UBXN2B: variants seen among roughly 807,000 people sequenced by gnomAD.
The protein encoded by UBXN2B is UBX domain protein 2B.
UBXN2B carries 19 observed loss-of-function variants against 37.5 expected under a neutral mutation model. The observed-to-expected ratio is 0.51, with a 90% CI of 0.35 to 0.74. The LOEUF is 0.74. Among genes scored for constraint, UBXN2B ranks in the 30% least tolerant of loss-of-function variants. The pLI is 0.01. For synonymous variants in UBXN2B, 145 were observed against 143.8 expected (o/e 1.01, Z -0.06); for missense variants, 370 against 393.2 (o/e 0.94, Z 0.50).
intron 2 of UBXN2B, among the ~76,000 whole-genome samples, chr8:58,427,635 A>G (rs1014999002): frequency 6.6e-6 from 1 of 152,214 alleles, no homozygotes; most frequent in Non-Finnish European, 1.5e-5. Context: ...AATTTGGGAT[A>G]CAGGAAAAAG....
chr8:58,429,698 C>G lies in UBXN2B; in HGVS notation c.189-821C>G, dbSNP rs545808835. On this transcript the variant is annotated intron_variant, in intron 2 of 7. Coordinates refer to ENST00000399598, the MANE Select transcript of UBXN2B (RefSeq NM_001077619.2). ...GTCTCCAAGGCAGATATCATTTCCC[C>G]CCATTGTTTTGTTCTATGTGTCAGT... Among the ~76,000 whole-genome samples, 4 of 152,306 alleles carry G rather than the reference C, an allele frequency of 2.6e-5. No individual in the cohort carries two copies. The East Asian group carries it at 5.8e-4, about 22-fold the overall frequency.
intron 6 of UBXN2B, among the ~76,000 whole-genome samples, chr8:58,444,756 A>G (rs1229756469): frequency 6.6e-6 from 1 of 152,220 alleles, no homozygotes; most frequent in South Asian, 2.1e-4. Flanking sequence ...ATTGTAAGTC[A>G]TAATTTTAAC....
intron 2 of UBXN2B, chr8:58,426,722 C>G (rs537369518): frequency 1.5e-6 from 1 of 665,256 alleles, no homozygotes; most frequent in East Asian, 2.9e-5. Flanking sequence ...CAGACCCGTT[C>G]CTTGCTCAGG....
At chr8:58,425,221 C>T (rs933528468) in intron 2 of UBXN2B, 47 of 1,059,926 alleles carry the variant, frequency 4.4e-5, no homozygotes, top group Non-Finnish European at 5.0e-5. Flanking sequence ...ATTCCTAACA[C>T]GCATGATGCC....
chr8:58,426,618 C>G (rs757921500), intron 2 of UBXN2B: 45 of 747,272 alleles, frequency 6.0e-5, no homozygotes, highest in Non-Finnish European at 1.0e-4. Context: ...GTCAGCTCCT[C>G]TTATCAACAG....
chr8:58,447,347 T>A, intron 7 of UBXN2B, 42 bp from the exon 8 acceptor site: 1 of 1,490,778 alleles, frequency 6.7e-7, no homozygotes, highest in Non-Finnish European at 9.0e-7. Flanking sequence ...CATGAAAATA[T>A]GATTTTTTAT....
intron 5 of UBXN2B, chr8:58,435,164 A>C: frequency 7.5e-7 from 1 of 1,333,236 alleles, no homozygotes; most frequent in Non-Finnish European, 9.6e-7. Flanking sequence ...AGTTGAGCAT[A>C]AACTGGGGAA....
chr8:58,428,092 A>G (rs984827211), intron 2 of UBXN2B, among the ~76,000 whole-genome samples: 3 of 152,238 alleles, frequency 2.0e-5, no homozygotes, highest in African/African-American at 7.2e-5. Flanking sequence ...GTGTTTGGCA[A>G]TGAGAAGATA....
chr8:58,444,168 G>T (rs562251427), intron 6 of UBXN2B, among the ~76,000 whole-genome samples: 3 of 152,296 alleles, frequency 2.0e-5, no homozygotes, highest in Non-Finnish European at 4.4e-5. Flanking sequence ...AGGCAACTTG[G>T]TGTGTAGAAA....
rs532081016 is a variant in UBXN2B, at chr8:58,411,604, C to T, written c.84+135C>T. 3,465 of 654,620 alleles carry T rather than the reference C, an allele frequency of 5.3e-3. 13 individuals carry two copies. Among genetic ancestry groups the T allele is most frequent in the Non-Finnish European group, 6.4e-3 (2,926 of 460,760 alleles). 40.6% of individuals were successfully genotyped at this position (654,620 alleles called of 1,614,324 possible). A position where few individuals can be genotyped will look rare whatever the true frequency, so the allele number is the denominator to read the frequency against. ...CCCCGTCTGGGGATAGAATCCGGCG[C>T]CCGGTCTCCCGATGTCGGGTCTTGA... On this transcript the variant is annotated intron_variant, in intron 1 of 7. Coordinates refer to ENST00000399598, the MANE Select transcript of UBXN2B (RefSeq NM_001077619.2).
At chr8:58,446,211 A>T (rs1018299611) in intron 7 of UBXN2B, 143 bp downstream of exon 7, 25 of 859,930 alleles carry the variant, frequency 2.9e-5, no homozygotes, top group Middle Eastern at 6.9e-4. Flanking sequence ...CAGAAGAAAC[A>T]TTTTTAAAAG....
chr8:58,445,503 A>G (rs1808646799), intron 6 of UBXN2B, among the ~76,000 whole-genome samples: 1 of 152,188 alleles, frequency 6.6e-6, no homozygotes, highest in Non-Finnish European at 1.5e-5. Context: ...ACATAGTATT[A>G]TTCCCTCACT....
At chr8:58,426,686 G>A (rs1437585580) in intron 2 of UBXN2B, 3 of 722,570 alleles carry the variant, frequency 4.2e-6, no homozygotes, top group African/African-American at 3.5e-5. Context: ...ACAATGTCAT[G>A]TTCCTCCCAC....
intron 2 of UBXN2B, chr8:58,425,237 C>T: frequency 9.2e-7 from 1 of 1,090,526 alleles, no homozygotes; most frequent in Non-Finnish European, 1.4e-6. Context: ...ATGCCATATT[C>T]TTTTAGAGCA....
Position 58,434,476 on chromosome 8 carries a change from G to T in UBXN2B, c.505G>T (p.Ala169Ser). The T allele has an allele frequency of 1.3e-6, 2 of 1,560,604 alleles. No individual in the cohort carries two copies. The highest frequency in any genetic ancestry group is 8.7e-7 in the Non-Finnish European group (1 of 1,155,324). The change falls in exon 5 of 8, where the codon GCT becomes TCT. Residue 169 changes from alanine to serine, a missense_variant. This residue lies in a region of UBXN2B where 90 missense variants were observed against 139.4 expected (regional missense o/e 0.65). Transcript: ENST00000399598. ...ELRPYNEPTN[A>S]QFLESVKRGE... is the part of the protein sequence containing the mutation. Reference sequence around the variant, plus strand: ...GAGACCTTACAATGAACCAACAAATGCTCAATTTCTGGAGTCTGTTAAGAG... The same window carrying T: ...GAGACCTTACAATGAACCAACAAATTCTCAATTTCTGGAGTCTGTTAAGAG...
At chr8:58,435,208 A>G (rs947816686) in intron 5 of UBXN2B, 2 of 1,151,992 alleles carry the variant, frequency 1.7e-6, no homozygotes, top group Non-Finnish European at 2.2e-6. Context: ...GTTTTACTGT[A>G]TATAACCAGA....
At chr8:58,422,533 A>T (rs1474427191) in intron 2 of UBXN2B, among the ~76,000 whole-genome samples, 2 of 152,280 alleles carry the variant, frequency 1.3e-5, no homozygotes, top group East Asian at 1.9e-4. Context: ...TGGAAAAGGC[A>T]CTTAAGGTGG....
chr8:58,427,387 C>T (rs1367750583), intron 2 of UBXN2B, among the ~76,000 whole-genome samples: 1 of 152,184 alleles, frequency 6.6e-6, no homozygotes, highest in Non-Finnish European at 1.5e-5. Flanking sequence ...AGCTTGAGTC[C>T]AAGAGGTGGA....
chr8:58,431,105 C>T lies in UBXN2B; in HGVS notation c.339+436C>T, dbSNP rs149965663. On this transcript the variant is annotated intron_variant, in intron 3 of 7. Transcript: ENST00000399598. The stretch of plus-strand genomic sequence containing the variant: ...TCTCCTTCATAGCCTACCATTTGCA[C>T]TCACACCCACCCCGTCTCTCATGCC... Among the ~76,000 whole-genome samples, 62 of 152,338 alleles carry T rather than the reference C, an allele frequency of 4.1e-4. No homozygotes were observed. The East Asian group carries it at 0.011, about 26-fold the overall frequency.
Sources: gnomAD v4.1 joint callset for allele counts (sites outside exome capture counted in the v4.1 genomes callset) on GRCh38, gnomAD v4.1.1 for gene constraint, gnomAD v4.1.1 regional missense constraint, MANE v1.5 for transcripts, NCBI Gene and HGNC (gene_info 2026-07-23, HGNC 2026-07-21) for gene names.